NUP98: variants seen among roughly 807,000 people sequenced by gnomAD.
NUP98 encodes the protein nuclear pore complex protein Nup98-Nup96.
A neutral mutation model predicts 191.9 loss-of-function variants in NUP98; 26 were observed. The ratio of observed to expected loss-of-function variants is 0.14; its 90% CI spans 0.10 to 0.19. The LOEUF (loss-of-function observed/expected upper bound fraction) is 0.19. Ranked by LOEUF, NUP98 falls within the 10% of genes least tolerant of loss-of-function variation. NUP98 has a pLI of 1.00. For synonymous variants in NUP98, 808 were observed against 778.4 expected, an observed-to-expected ratio of 1.04 and a Z score of -0.63; for missense variants, 1,941 against 2,178.8, an observed-to-expected ratio of 0.89 and a Z score of 2.17.
At chr11:3,756,498 C>T (rs145806415) in intron 10 of NUP98, among the ~76,000 whole-genome samples, 3,112 of 152,202 alleles carry the variant, frequency 0.02, 37 homozygotes, top group Non-Finnish European at 0.03. Context: ...GCAACCATCA[C>T]TGCAACTTCT....
chr11:3,742,699 C>CAAAAAAAAAA (rs35895691), intron 12 of NUP98, among the ~76,000 whole-genome samples: 1 of 82,890 alleles, frequency 1.2e-5, no homozygotes, highest in Non-Finnish European at 2.4e-5. Context: ...ACTCTGTCTC[C>CAAAAAAAAAA]AAAAAAAAAA....
chr11:3,717,224 C>T (rs1158476756), intron 18 of NUP98, among the ~76,000 whole-genome samples: 2 of 152,142 alleles, frequency 1.3e-5, no homozygotes, highest in East Asian at 3.8e-4. Context: ...GTCTCAACTC[C>T]TGACCTCAAG....
intron 9 of NUP98, among the ~76,000 whole-genome samples, chr11:3,761,946 AAACAACAAC>A (rs530717846): frequency 7.9e-5 from 12 of 151,688 alleles, no homozygotes; most frequent in African/African-American, 9.7e-5. Flanking sequence ...TCGGTTTCAA[AAACAACAAC>A]AACAACAACA....
intron 31 of NUP98, among the ~76,000 whole-genome samples, chr11:3,678,017 C>T (rs569783285): frequency 1.8e-4 from 27 of 152,010 alleles, no homozygotes; most frequent in Non-Finnish European, 1.6e-4. Flanking sequence ...TGGTGGCACA[C>T]GCCTGTAATC....
In NUP98 at chr11:3,753,474, GT is replaced by G. The variant is rs1589882685; in HGVS notation, c.1175-67del. The stretch of plus-strand genomic sequence containing the variant: ...AACTCTCAATTTCCTCTATAAGGGA[GT>G]TTAACACAAAGCAGTCTGACTTTAA... On this transcript the variant is annotated intron_variant, in intron 10 of 32. Coordinates refer to ENST00000324932, the MANE Select transcript of NUP98 (RefSeq NM_016320.5). 6 of 1,241,862 alleles carry G rather than the reference GT, an allele frequency of 4.8e-6. No homozygotes were observed. The East Asian group carries it at 1.2e-4, about 24-fold the overall frequency. The allele number at this position is 1,241,862 out of a possible 1,614,324, so 76.9% of individuals were successfully genotyped here.
At chr11:3,775,653 G>C (rs752817511) in intron 5 of NUP98, among the ~76,000 whole-genome samples, 5 of 151,936 alleles carry the variant, frequency 3.3e-5, no homozygotes, top group Non-Finnish European at 7.4e-5. Flanking sequence ...AAAGTTTTAT[G>C]AATACAAATT....
At chr11:3,731,686 C>A in intron 13 of NUP98, 108 bp from the exon 14 acceptor site, 1 of 701,492 alleles carries the variant, frequency 1.4e-6, no homozygotes, top group Non-Finnish European at 2.2e-6. Flanking sequence ...CATTCACCTG[C>A]TAGATACCTG....
chr11:3,793,846 T>C (rs1359075173), intron 1 of NUP98, among the ~76,000 whole-genome samples: 1 of 151,914 alleles, frequency 6.6e-6, no homozygotes, highest in Non-Finnish European at 1.5e-5. Context: ...GGCACGCACC[T>C]GTAATCCAGC....
chr11:3,736,473 C>T (rs1348654921), intron 12 of NUP98, among the ~76,000 whole-genome samples: 2 of 152,044 alleles, frequency 1.3e-5, no homozygotes, highest in South Asian at 2.1e-4. Flanking sequence ...CTGGCCAATA[C>T]AGTGAAACCC....
Position 3,676,589 on chromosome 11 carries a change from A to G in NUP98, c.5105T>C (p.Leu1702Ser), listed in dbSNP as rs2077820094. Residue 1702 changes from leucine to serine, a missense_variant, in exon 32 of 33, where the codon TTA becomes TCA. Transcript: ENST00000324932. Reference protein sequence around the residue: ...VDCSGNDLEQLHIKVTSLCSR... With the variant: ...VDCSGNDLEQSHIKVTSLCSR... ...GCACAGTGAAGTCACTTTGATGTGT[A>G]ACTGCTCCAGGTCATTACCTGAGCA... 1 of 1,614,150 alleles carries G rather than the reference A, an allele frequency of 6.2e-7. No homozygotes were observed. The highest frequency in any genetic ancestry group is 8.5e-7 in the Non-Finnish European group (1 of 1,179,996).
rs1194199947 is a variant in NUP98 at position 3,709,144 on chromosome 11, CAAACAGAT to C, written c.2743-2525_2743-2518del. ...ACAGAGTGAATGACAAGTCCAAGGTCAAACAGATATTTAAATAATTCATACTGTCCTCT... is the reference window on the plus strand; with the variant it reads ...ACAGAGTGAATGACAAGTCCAAGGTCATTTAAATAATTCATACTGTCCTCT... On this transcript the variant is annotated intron_variant, in intron 20 of 32. Coordinates refer to ENST00000324932, the MANE Select transcript of NUP98 (RefSeq NM_016320.5). Among the ~76,000 whole-genome samples, 6 of 152,282 alleles carry C rather than the reference CAAACAGAT, an allele frequency of 3.9e-5. No homozygotes were observed. The East Asian group carries it at 9.6e-4, about 24-fold the overall frequency.
chr11:3,679,428 G>A (rs755390848), intron 31 of NUP98, 126 bp downstream of exon 31: 2 of 1,096,510 alleles, frequency 1.8e-6, no homozygotes, highest in South Asian at 1.3e-5. Flanking sequence ...TCAGCAAGAT[G>A]CCTGCTTTGA....
Position 3,778,969 on chromosome 11 carries a change from T to G in NUP98, c.259A>C (p.Thr87Pro), listed in dbSNP as rs755779071. 6.2e-7 allele frequency: 1 copy of G among 1,614,126 alleles called. No homozygotes were observed. The highest frequency in any genetic ancestry group is 1.7e-5 in the Admixed American group (1 of 60,006). Residue 87 changes from threonine (T) to proline (P), a missense_variant, in exon 4 of 33, where the codon ACA becomes CCA. Thr to Pro is a conservative substitution (Grantham distance 38). Coordinates refer to ENST00000324932, the MANE Select transcript of NUP98 (RefSeq NM_016320.5). ...GCAGTTCCAAACAAGGTATTTGCTGTTCCTGTTGACGTACCAAACCCAAAG... is the reference window on the plus strand; with the variant it reads ...GCAGTTCCAAACAAGGTATTTGCTGGTCCTGTTGACGTACCAAACCCAAAG... ...TGFGFGTSTGTANTLFGTAST... is the reference protein window; with the variant it reads ...TGFGFGTSTGPANTLFGTAST...
At chr11:3,750,797 C>T (rs2080721472) in intron 11 of NUP98, among the ~76,000 whole-genome samples, 1 of 152,184 alleles carries the variant, frequency 6.6e-6, no homozygotes, top group Middle Eastern at 3.4e-3. Flanking sequence ...TGCCACCATG[C>T]ATATCTATTT....
intron 27 of NUP98, among the ~76,000 whole-genome samples, chr11:3,691,926 G>C (rs1015484043): frequency 2.0e-5 from 3 of 152,142 alleles, no homozygotes; most frequent in Non-Finnish European, 4.4e-5. Flanking sequence ...GCAGTGGCTT[G>C]AGCCTATAAT....
chr11:3,787,027 T>C (rs1023614148), intron 1 of NUP98, among the ~76,000 whole-genome samples: 3 of 152,202 alleles, frequency 2.0e-5, no homozygotes, highest in African/African-American at 2.4e-5. Flanking sequence ...CATTTTTTCA[T>C]ACATCCTCTC....
intron 10 of NUP98, among the ~76,000 whole-genome samples, chr11:3,759,657 A>G (rs1372774658): frequency 1.3e-5 from 2 of 151,918 alleles, no homozygotes; most frequent in Non-Finnish European, 2.9e-5. Context: ...ACTGGTTTAC[A>G]TTTTTCCCAG....
chr11:3,735,913 T>C (rs2080037273), intron 12 of NUP98, among the ~76,000 whole-genome samples: 1 of 69,342 alleles, frequency 1.4e-5, no homozygotes, highest in Admixed American at 1.4e-4. Flanking sequence ...AAGTACTGTG[T>C]GTTTGTGCGT....
chr11:3,725,332 A>AGAGTTGAG, intron 14 of NUP98, 113 bp from the exon 15 acceptor site: 1 of 607,070 alleles, frequency 1.6e-6, no homozygotes, highest in Non-Finnish European at 3.0e-6. Context: ...CAACTCTTGT[A>AGAGTTGAG]CACCTAAGAA....
Sources: gnomAD v4.1 joint callset for allele counts (sites outside exome capture counted in the v4.1 genomes callset) on GRCh38, gnomAD v4.1.1 for gene constraint, MANE v1.5 for transcripts, NCBI Gene and HGNC (gene_info 2026-07-23, HGNC 2026-07-21) for gene names.